Variants in ZNF704 observed in about 807,000 individuals in gnomAD.
ZNF704 encodes zinc finger protein 704, also known as glucocorticoid induced gene 1.
A neutral mutation model predicts 44.7 loss-of-function variants in ZNF704; 10 were observed. The ratio of observed to expected loss-of-function variants is 0.22; its 90% confidence interval spans 0.14 to 0.38. The LOEUF (loss-of-function observed/expected upper bound fraction) is 0.38. Ranked by LOEUF, ZNF704 falls within the 10% of genes least tolerant of loss-of-function variation. The probability of loss-of-function intolerance (pLI) is 1.00; values close to 1 mark genes in which losing one functional copy is unlikely to be tolerated. For missense variants in ZNF704, 390 were observed against 545.5 expected (o/e 0.71, Z 2.84); for synonymous variants, 211 against 207.6 (o/e 1.02, Z -0.14).
chr8:80,662,204 C>T (rs1386467918), intron 6 of ZNF704, among the ~76,000 whole-genome samples: 2 of 152,056 alleles, frequency 1.3e-5, no homozygotes, highest in Non-Finnish European at 2.9e-5. Flanking sequence ...TTAAAAACTG[C>T]AAATGTATAA....
chr8:80,722,267 A>G (rs764891612), intron 2 of ZNF704, among the ~76,000 whole-genome samples: 8 of 142,356 alleles, frequency 5.6e-5, no homozygotes, highest in Non-Finnish European at 1.2e-4. Flanking sequence ...ACAAAACAAA[A>G]CAAACAAACA....
intron 1 of ZNF704, among the ~76,000 whole-genome samples, chr8:80,824,192 G>C (rs1422548004): frequency 6.6e-6 from 1 of 151,908 alleles, no homozygotes; most frequent in East Asian, 1.9e-4. Flanking sequence ...AAGATTAGAC[G>C]AACGGCTAAC....
At chr8:80,711,542 T>C (rs1818985843) in intron 2 of ZNF704, among the ~76,000 whole-genome samples, 1 of 152,230 alleles carries the variant, frequency 6.6e-6, no homozygotes, top group African/African-American at 2.4e-5. Flanking sequence ...AAAGACTCAC[T>C]GCTTTAAAGA....
At chr8:80,703,288 C>T (rs557915504) in intron 2 of ZNF704, among the ~76,000 whole-genome samples, 1 of 152,050 alleles carries the variant, frequency 6.6e-6, no homozygotes, top group African/African-American at 2.4e-5. Context: ...CCTGCTTCTA[C>T]TTACCCTTAG....
At chr8:80,774,148 C>A (rs1340483648) in intron 2 of ZNF704, among the ~76,000 whole-genome samples, 1 of 151,720 alleles carries the variant, frequency 6.6e-6, no homozygotes. Context: ...CTCGATCTCT[C>A]GATCTCCCAG....
At chr8:80,689,265 G>A (rs1167513389) in intron 3 of ZNF704, among the ~76,000 whole-genome samples, 1 of 152,036 alleles carries the variant, frequency 6.6e-6, no homozygotes, top group Non-Finnish European at 1.5e-5. Flanking sequence ...CCTATTTATG[G>A]ATTTCTACCA....
intron 2 of ZNF704, among the ~76,000 whole-genome samples, chr8:80,809,617 T>G (rs561216350): frequency 8.5e-5 from 13 of 152,280 alleles, no homozygotes; most frequent in Middle Eastern, 3.4e-3. Flanking sequence ...GAAATGCCAG[T>G]GTATGAAAAT....
At chr8:80,696,148 A>C (rs1818721148) in intron 2 of ZNF704, among the ~76,000 whole-genome samples, 1 of 152,232 alleles carries the variant, frequency 6.6e-6, no homozygotes. Context: ...ACTTTGAGAA[A>C]ACTGCTGCAA....
At chr8:80,668,848 G>GT (rs1281612031) in intron 5 of ZNF704, among the ~76,000 whole-genome samples, 1 of 152,168 alleles carries the variant, frequency 6.6e-6, no homozygotes, top group Non-Finnish European at 1.5e-5. Flanking sequence ...AAAGGCAAAT[G>GT]TATGTTCCCT....
chr8:80,641,535 G>T, intron 8 of ZNF704, 58 bp from the exon 9 acceptor site: 1 of 1,117,292 alleles, frequency 9.0e-7, no homozygotes, highest in South Asian at 1.7e-5. Context: ...GCATTCTATG[G>T]AGAGCTCAAA....
intron 1 of ZNF704, among the ~76,000 whole-genome samples, chr8:80,828,858 A>G (rs936697762): frequency 2.0e-5 from 3 of 152,176 alleles, no homozygotes; most frequent in Non-Finnish European, 4.4e-5. Context: ...GAGTCCAGGG[A>G]TGACTTGGGC....
chr8:80,813,436 C>CA (rs1808122574), intron 2 of ZNF704, among the ~76,000 whole-genome samples: 1 of 152,096 alleles, frequency 6.6e-6, no homozygotes, highest in Admixed American at 6.5e-5. Flanking sequence ...TTATAGTACA[C>CA]AAAAAATTAT....
intron 5 of ZNF704, among the ~76,000 whole-genome samples, chr8:80,666,343 T>G (rs558490350): frequency 6.6e-5 from 10 of 152,016 alleles, no homozygotes; most frequent in Non-Finnish European, 1.3e-4. Flanking sequence ...ATGTGCCACA[T>G]TTTCTTAATC....
At chr8:80,739,248 C>T (rs531174224) in intron 2 of ZNF704, among the ~76,000 whole-genome samples, 40 of 152,306 alleles carry the variant, frequency 2.6e-4, no homozygotes, top group African/African-American at 9.4e-4. Context: ...GATAGTCTTT[C>T]GAGCAATCTC....
At chr8:80,796,546 C>T (rs1807803808) in intron 2 of ZNF704, among the ~76,000 whole-genome samples, 1 of 152,200 alleles carries the variant, frequency 6.6e-6, no homozygotes, top group Admixed American at 6.5e-5. Context: ...ACTCTTTTCT[C>T]ACAAACAAAT....
At chr8:80,773,867 T>C (rs1193987222) in intron 2 of ZNF704, among the ~76,000 whole-genome samples, 1 of 152,212 alleles carries the variant, frequency 6.6e-6, no homozygotes, top group Non-Finnish European at 1.5e-5. Flanking sequence ...TCATGACTGC[T>C]TTAAAATCTT....
chr8:80,752,255 C>G (rs1228386694), intron 2 of ZNF704, among the ~76,000 whole-genome samples: 1 of 151,564 alleles, frequency 6.6e-6, no homozygotes, highest in Non-Finnish European at 1.5e-5. Context: ...AAAGCCAAAT[C>G]AACATTGATC....
chr8:80,655,846 C>T (rs1283092057), intron 7 of ZNF704, among the ~76,000 whole-genome samples: 1 of 152,202 alleles, frequency 6.6e-6, no homozygotes, highest in Non-Finnish European at 1.5e-5. Flanking sequence ...ACCAGCTAAG[C>T]ATTTGACAAA....
At chr8:80,859,953 A>T (rs1480620631) in intron 1 of ZNF704, among the ~76,000 whole-genome samples, 2 of 152,220 alleles carry the variant, frequency 1.3e-5, no homozygotes, top group African/African-American at 2.4e-5. Flanking sequence ...CACTTTTCAC[A>T]CAAGAGTCAT....
Sources: allele counts gnomAD v4.1 joint callset (sites outside exome capture counted in the v4.1 genomes callset), GRCh38; gene constraint gnomAD v4.1.1; transcripts MANE v1.5; gene names NCBI Gene and HGNC (gene_info 2026-07-23, HGNC 2026-07-21).